CHN1: variants seen among roughly 807,000 people sequenced by gnomAD.
The protein encoded by CHN1 is N-chimaerin.
CHN1 carries 37 observed loss-of-function variants against 59.5 expected under a neutral mutation model. That is an observed-to-expected ratio of 0.62 (90% CI 0.48 to 0.82). The LOEUF is 0.82. Among genes scored for constraint, CHN1 ranks in the 40% least tolerant of loss-of-function variants. CHN1 has a pLI of 0.00. For synonymous variants in CHN1, 206 were observed against 200.4 expected (o/e 1.03, Z -0.24); for missense variants, 469 against 571.0 (o/e 0.82, Z 1.82).
chr2:174,962,609 T>C (rs1408965738), intron 1 of CHN1, among the ~76,000 whole-genome samples: 1 of 135,070 alleles, frequency 7.4e-6, no homozygotes, highest in Non-Finnish European at 1.5e-5. Context: ...ATCTTTATCA[T>C]GGTATGGCTG....
chr2:174,934,808 T>C (rs1435662981), intron 3 of CHN1, among the ~76,000 whole-genome samples: 1 of 152,194 alleles, frequency 6.6e-6, no homozygotes, highest in Non-Finnish European at 1.5e-5. Context: ...ATGCAACCCA[T>C]GACCATCTTG....
intron 12 of CHN1, 63 bp downstream of exon 12, chr2:174,801,644 A>G: frequency 1.7e-6 from 2 of 1,156,762 alleles, no homozygotes; most frequent in Admixed American, 1.8e-5. Flanking sequence ...TTCACCCTTC[A>G]TTTCATTTTG....
chr2:174,947,570 AACCTC>A (rs1689883943), intron 2 of CHN1, among the ~76,000 whole-genome samples: 1 of 149,810 alleles, frequency 6.7e-6, no homozygotes, highest in Non-Finnish European at 1.5e-5. Flanking sequence ...CTGCAGCCTC[AACCTC>A]CCGAGTTCAA....
chr2:174,931,151 C>T (rs920191398), intron 3 of CHN1, among the ~76,000 whole-genome samples: 4 of 151,352 alleles, frequency 2.6e-5, no homozygotes, highest in African/African-American at 9.7e-5. Context: ...AAAAAATAGC[C>T]TTTGAGTGAT....
intron 6 of CHN1, among the ~76,000 whole-genome samples, chr2:174,852,689 C>T (rs996229382): frequency 6.6e-6 from 1 of 152,026 alleles, no homozygotes; most frequent in African/African-American, 2.4e-5. Context: ...TAAGTTATAA[C>T]GTTATAGTAA....
At chr2:174,870,711 T>C (rs1158820926) in intron 6 of CHN1, among the ~76,000 whole-genome samples, 3 of 152,226 alleles carry the variant, frequency 2.0e-5, no homozygotes, top group African/African-American at 7.2e-5. Flanking sequence ...CCAGAGTTGA[T>C]TCCTTTTGAA....
At chr2:174,932,982 G>C (rs1689393747) in intron 3 of CHN1, among the ~76,000 whole-genome samples, 1 of 152,194 alleles carries the variant, frequency 6.6e-6, no homozygotes, top group South Asian at 2.1e-4. Context: ...TCCAAAGATA[G>C]ACCCAATATG....
chr2:174,997,371 T>C (rs533957722), intron 1 of CHN1, among the ~76,000 whole-genome samples: 233 of 152,306 alleles, frequency 1.5e-3, no homozygotes, highest in African/African-American at 5.1e-3. Flanking sequence ...CTTTCTTTTC[T>C]CTTACAGTAT....
rs1473239536 is a variant in CHN1, at chr2:174,826,708, C to A, written c.628-2190G>T. 2.6e-5 allele frequency among the ~76,000 whole-genome samples: 4 copies of A among 152,308 alleles called. No homozygotes were observed. The East Asian group carries it at 7.7e-4, about 29-fold the overall frequency. On this transcript the variant is annotated intron_variant, in intron 7 of 12. Transcript: ENST00000409900. Reference sequence around the variant, plus strand: ...TTAATAGAACCAATCCTTTCCCCACCTTCCTGAAAGTAGCAGTGAATGTGG... The same window carrying A: ...TTAATAGAACCAATCCTTTCCCCACATTCCTGAAAGTAGCAGTGAATGTGG...
At chr2:174,932,604 C>T (rs766265646) in intron 3 of CHN1, among the ~76,000 whole-genome samples, 16 of 152,118 alleles carry the variant, frequency 1.1e-4, no homozygotes, top group Non-Finnish European at 1.8e-4. Flanking sequence ...TGTCTCCACC[C>T]AAATGTCATG....
Position 174,917,966 on chromosome 2 carries a change from A to C in CHN1, c.146+568T>G, listed in dbSNP as rs1688896646. 2.0e-5 allele frequency among the ~76,000 whole-genome samples: 3 copies of C among 152,126 alleles called. No homozygotes were observed. The South Asian group carries it at 6.2e-4, about 31-fold the overall frequency. ...ACAAAACAGAAAAATGCTCATTGTCAATTTTAAATGGAACAATCAGGCTAT... is the reference window on the plus strand; with the variant it reads ...ACAAAACAGAAAAATGCTCATTGTCCATTTTAAATGGAACAATCAGGCTAT... On this transcript the variant is annotated intron_variant, in intron 4 of 12. Coordinates refer to ENST00000409900, the MANE Select transcript of CHN1 (RefSeq NM_001822.7).
At chr2:174,815,840 T>G (rs1172361119) in intron 8 of CHN1, among the ~76,000 whole-genome samples, 1 of 152,224 alleles carries the variant, frequency 6.6e-6, no homozygotes, top group Non-Finnish European at 1.5e-5. Flanking sequence ...TCTTTAAAAT[T>G]GTAACCTGTA....
At chr2:174,884,792 A>C (rs996447672) in intron 5 of CHN1, among the ~76,000 whole-genome samples, 1 of 152,200 alleles carries the variant, frequency 6.6e-6, no homozygotes, top group Non-Finnish European at 1.5e-5. Context: ...TTCCCTCTTG[A>C]AAATTGTTAA....
At chr2:174,935,025 T>A (rs1224398049) in intron 3 of CHN1, among the ~76,000 whole-genome samples, 1 of 152,182 alleles carries the variant, frequency 6.6e-6, no homozygotes, top group Admixed American at 6.5e-5. Flanking sequence ...ATCACGTTTT[T>A]CTCCTGCTTA....
chr2:174,943,877 T>G (rs1451477158), intron 3 of CHN1, among the ~76,000 whole-genome samples: 1 of 152,158 alleles, frequency 6.6e-6, no homozygotes, highest in Non-Finnish European at 1.5e-5. Flanking sequence ...AGGCTGGTCT[T>G]GAACTCCTGG....
chr2:174,851,202 T>C (rs2105441745), intron 6 of CHN1, among the ~76,000 whole-genome samples: 1 of 152,298 alleles, frequency 6.6e-6, no homozygotes, highest in South Asian at 2.1e-4. Context: ...TCTTACAAGG[T>C]CATTCTTGAT....
At chr2:174,966,656 C>T (rs1690602350) in intron 1 of CHN1, among the ~76,000 whole-genome samples, 1 of 152,198 alleles carries the variant, frequency 6.6e-6, no homozygotes, top group African/African-American at 2.4e-5. Context: ...AAGCTATACA[C>T]AGGAAATGGG....
At chr2:174,816,225 G>A (rs1287444274) in intron 8 of CHN1, among the ~76,000 whole-genome samples, 1 of 152,188 alleles carries the variant, frequency 6.6e-6, no homozygotes, top group African/African-American at 2.4e-5. Flanking sequence ...ACTATAGGGT[G>A]GAGAAGAAAG....
chr2:174,884,675 C>T (rs1687839271), intron 5 of CHN1, among the ~76,000 whole-genome samples: 1 of 152,082 alleles, frequency 6.6e-6, no homozygotes, highest in African/African-American at 2.4e-5. Context: ...CAGCAACATC[C>T]ATAAATGGCC....
Sources: allele counts gnomAD v4.1 joint callset (sites outside exome capture counted in the v4.1 genomes callset), GRCh38; gene constraint gnomAD v4.1.1; transcripts MANE v1.5; gene names NCBI Gene and HGNC (gene_info 2026-07-23, HGNC 2026-07-21).